The following PREP variants were observed in gnomAD, a reference collection of about 807,000 sequenced individuals.
PREP encodes prolyl endopeptidase, also known as dJ355L5.1 (prolyl endopeptidase).
Under a neutral mutation model 87.6 loss-of-function variants are expected in PREP, and 29 were observed. The observed-to-expected ratio is 0.33, with a 90% confidence interval of 0.25 to 0.45. PREP has a LOEUF of 0.45. PREP is among the 20% of genes least tolerant of loss of function. The pLI is 1.00. For synonymous variants in PREP, 337 were observed against 328.6 expected (o/e 1.03, Z -0.28); for missense variants, 695 against 886.5 (o/e 0.78, Z 2.74).
chr6:105,302,618 A>G, intron 10 of PREP: 1 of 448,436 alleles, frequency 2.2e-6, no homozygotes, highest in Non-Finnish European at 4.4e-6. Flanking sequence ...GAATTTCCTG[A>G]GGTTTTCTTT....
chr6:105,339,706 G>C (rs191510857), intron 7 of PREP, among the ~76,000 whole-genome samples: 1 of 152,288 alleles, frequency 6.6e-6, no homozygotes, highest in East Asian at 1.9e-4. Context: ...ACCTGATGGA[G>C]CTGAAAACCA....
chr6:105,348,277 G>A (rs1161898423), intron 7 of PREP, among the ~76,000 whole-genome samples: 1 of 152,152 alleles, frequency 6.6e-6, no homozygotes, highest in Non-Finnish European at 1.5e-5. Flanking sequence ...GAAGCCACAG[G>A]GATAAAGATT....
chr6:105,325,974 G>T (rs901376897), intron 9 of PREP, among the ~76,000 whole-genome samples: 4 of 152,108 alleles, frequency 2.6e-5, no homozygotes, highest in Non-Finnish European at 5.9e-5. Context: ...GGAGAAGTAG[G>T]AGTAGTCAGG....
chr6:105,366,121 G>A (rs1006608672), intron 6 of PREP, among the ~76,000 whole-genome samples: 3 of 152,056 alleles, frequency 2.0e-5, no homozygotes, highest in Non-Finnish European at 2.9e-5. Context: ...CCGGCGTGGT[G>A]GTCCATGCCT....
chr6:105,300,380 T>TTG (rs1770507919), intron 10 of PREP, among the ~76,000 whole-genome samples: 1 of 152,190 alleles, frequency 6.6e-6, no homozygotes, highest in African/African-American at 2.4e-5. Context: ...AAAATCCCAC[T>TTG]ATATCTTGCC....
chr6:105,397,126 A>C (rs1282403890), intron 2 of PREP, among the ~76,000 whole-genome samples: 1 of 149,916 alleles, frequency 6.7e-6, no homozygotes, highest in African/African-American at 2.5e-5. Flanking sequence ...CGGAGGTTGC[A>C]GTGAGCCAAG....
In PREP at chr6:105,328,406, C is replaced by T. The variant is rs185807339; in HGVS notation, c.1213+423G>A. 1.8e-3 allele frequency among the ~76,000 whole-genome samples: 269 copies of T among 152,092 alleles called. 6 individuals carry two copies. Among genetic ancestry groups the T allele is most frequent in the Admixed American group, 0.015 (235 of 15,282 alleles). Reference sequence around the variant, plus strand: ...CTGAGCAGCTGGGACTATAGGCACGCGCCACCATGCCCAGCTAATTTTTGT... The same window carrying T: ...CTGAGCAGCTGGGACTATAGGCACGTGCCACCATGCCCAGCTAATTTTTGT... On this transcript the variant is annotated intron_variant, in intron 9 of 14. Coordinates refer to ENST00000652536, the MANE Select transcript of PREP (RefSeq NM_002726.5).
chr6:105,381,745 CTTAAAAGCAAAGCAAAGCT>C (rs1772844078), intron 2 of PREP, among the ~76,000 whole-genome samples: 1 of 152,090 alleles, frequency 6.6e-6, no homozygotes, highest in Non-Finnish European at 1.5e-5. Flanking sequence ...TATTAGAAAG[CTTAAAAGCAAAGCAAAGCT>C]TCAGTTATGC....
chr6:105,402,418 TCACACACACACACA>T (rs36086068), intron 1 of PREP, among the ~76,000 whole-genome samples: 3 of 147,130 alleles, frequency 2.0e-5, no homozygotes, highest in Non-Finnish European at 4.5e-5. Flanking sequence ...AAATGTGACA[TCACACACACACACA>T]CACACACACA....
intron 10 of PREP, among the ~76,000 whole-genome samples, chr6:105,321,435 G>A (rs967830497): frequency 1.1e-4 from 16 of 152,358 alleles, no homozygotes; most frequent in African/African-American, 3.4e-4. Flanking sequence ...TGGCAGCGCC[G>A]AAGCGCATGT....
At chr6:105,341,791 G>A (rs529894055) in intron 7 of PREP, among the ~76,000 whole-genome samples, 71 of 152,298 alleles carry the variant, frequency 4.7e-4, no homozygotes, top group African/African-American at 1.6e-3. Flanking sequence ...AAATCTAGAA[G>A]AAATGGATTA....
intron 7 of PREP, among the ~76,000 whole-genome samples, chr6:105,351,648 A>G (rs1365528677): frequency 6.6e-6 from 1 of 152,186 alleles, no homozygotes; most frequent in African/African-American, 2.4e-5. Context: ...TTTATTCTCT[A>G]TATTTGGAAC....
intron 7 of PREP, among the ~76,000 whole-genome samples, chr6:105,338,573 C>T (rs780623824): frequency 7.2e-5 from 11 of 152,220 alleles, no homozygotes; most frequent in Admixed American, 3.9e-4. Context: ...TGAGCATGAG[C>T]CGAAGCAGGG....
At chr6:105,288,643 C>T (rs1274114157) in intron 11 of PREP, 115 bp downstream of exon 11, 3 of 1,338,270 alleles carry the variant, frequency 2.2e-6, no homozygotes, top group Non-Finnish European at 3.0e-6. Flanking sequence ...AGGTGTGAAC[C>T]CCCACGCCTG....
chr6:105,295,431 T>G (rs910110166), intron 10 of PREP, among the ~76,000 whole-genome samples: 1 of 152,098 alleles, frequency 6.6e-6, no homozygotes, highest in Admixed American at 6.6e-5. Context: ...ATTTCTCCTA[T>G]CCTAGCCAAC....
chr6:105,328,919 A>T lies in PREP; in HGVS notation c.1123T>A (p.Phe375Ile). The change falls in exon 9 of 15, where the codon TTC (phenylalanine) becomes ATC (isoleucine). Residue 375 changes from phenylalanine to isoleucine, a missense_variant. This residue lies in a region of PREP where 517 missense variants were observed against 620.3 expected (regional missense o/e 0.83). Coordinates refer to ENST00000652536, the MANE Select transcript of PREP (RefSeq NM_002726.5). ...DLTTGALLKTFPLDVGSIVGY... is the reference protein window; with the variant it reads ...DLTTGALLKTIPLDVGSIVGY... ...ACAATGCTGCCGACATCGAGCGGGA[A>T]GGTCTTAAGGAGAGCACCAGTAGTC... 6.2e-7 allele frequency: 1 copy of T among 1,614,158 alleles called. No individual in the cohort carries two copies. The highest frequency in any genetic ancestry group is 8.5e-7 in the Non-Finnish European group (1 of 1,180,028).
intron 10 of PREP, among the ~76,000 whole-genome samples, chr6:105,294,055 G>A (rs1372855175): frequency 6.6e-6 from 1 of 152,142 alleles, no homozygotes; most frequent in East Asian, 1.9e-4. Context: ...GCTGGGTCAG[G>A]AGAAGAAGCT....
At chr6:105,360,378 T>C (rs1772215228) in intron 6 of PREP, among the ~76,000 whole-genome samples, 1 of 152,208 alleles carries the variant, frequency 6.6e-6, no homozygotes, top group Non-Finnish European at 1.5e-5. Flanking sequence ...TATTTTATGC[T>C]AGCCTGAGGA....
intron 7 of PREP, among the ~76,000 whole-genome samples, chr6:105,348,510 T>C (rs182316245): frequency 6.6e-6 from 1 of 152,182 alleles, no homozygotes. Flanking sequence ...ACAAAGTGCT[T>C]TTGTATGGAG....
Sources: gnomAD v4.1 joint callset for allele counts (sites outside exome capture counted in the v4.1 genomes callset) on GRCh38, gnomAD v4.1.1 for gene constraint, gnomAD v4.1.1 regional missense constraint, MANE v1.5 for transcripts, NCBI Gene and HGNC (gene_info 2026-07-23, HGNC 2026-07-21) for gene names.